The following GRIK4 variants were observed in gnomAD, a reference collection of about 807,000 sequenced individuals.
GRIK4 encodes the protein glutamate receptor ionotropic, kainate 4.
GRIK4 carries 40 observed loss-of-function variants against 104.9 expected under a neutral mutation model. That is an observed-to-expected ratio of 0.38 (90% CI 0.30 to 0.50). The LOEUF (loss-of-function observed/expected upper bound fraction) is 0.50, where lower values mean the gene tolerates loss of function less well. Among genes scored for constraint, GRIK4 ranks in the 20% least tolerant of loss-of-function variants. GRIK4 has a pLI of 0.93. For missense variants in GRIK4, 1,047 were observed against 1,308.1 expected, an observed-to-expected ratio of 0.80 and a Z score of 3.08; for synonymous variants, 485 against 524.9, an observed-to-expected ratio of 0.92 and a Z score of 1.04.
intron 1 of GRIK4, among the ~76,000 whole-genome samples, chr11:120,601,798 A>G (rs1484238279): frequency 2.0e-5 from 3 of 152,082 alleles, no homozygotes; most frequent in Non-Finnish European, 4.4e-5. Context: ...TCAGAGCTGA[A>G]TGGGAACAGA....
intron 13 of GRIK4, among the ~76,000 whole-genome samples, chr11:120,920,993 C>T (rs1943216477): frequency 6.6e-6 from 1 of 152,178 alleles, no homozygotes; most frequent in African/African-American, 2.4e-5. Flanking sequence ...GTGGCCTTCA[C>T]ATTTGCGCCT....
chr11:120,752,178 C>T (rs530578031), intron 3 of GRIK4, among the ~76,000 whole-genome samples: 12 of 152,266 alleles, frequency 7.9e-5, no homozygotes, highest in Admixed American at 3.3e-4. Flanking sequence ...TCAGGGCAAC[C>T]GGGGCCTGCC....
intron 18 of GRIK4, among the ~76,000 whole-genome samples, chr11:120,964,034 C>T (rs1222887608): frequency 6.7e-6 from 1 of 150,114 alleles, no homozygotes; most frequent in Admixed American, 6.6e-5. Flanking sequence ...ACTCTGTAGC[C>T]CAGGCTGGAG....
At chr11:120,602,169 G>A (rs1033673662) in intron 1 of GRIK4, among the ~76,000 whole-genome samples, 3 of 152,170 alleles carry the variant, frequency 2.0e-5, no homozygotes, top group South Asian at 2.1e-4. Flanking sequence ...AGCCAGCTCC[G>A]TAGATTGCCC....
At chr11:120,718,945 G>A (rs760170439) in intron 3 of GRIK4, among the ~76,000 whole-genome samples, 1 of 152,208 alleles carries the variant, frequency 6.6e-6, no homozygotes, top group East Asian at 1.9e-4. Flanking sequence ...CATAGGAATG[G>A]TTTGCTAAGA....
At chr11:120,945,325 T>A (rs1943832933) in intron 14 of GRIK4, among the ~76,000 whole-genome samples, 1 of 152,242 alleles carries the variant, frequency 6.6e-6, no homozygotes, top group Non-Finnish European at 1.5e-5. Context: ...ACAACACTTT[T>A]AGGTTGCATT....
At chr11:120,785,676 T>G (rs368008337) in intron 3 of GRIK4, among the ~76,000 whole-genome samples, 15 of 152,188 alleles carry the variant, frequency 9.9e-5, no homozygotes, top group African/African-American at 3.4e-4. Flanking sequence ...CTGAGTTGTA[T>G]GGGGGTTACA....
At position 120,935,982 on chromosome 11, in the gene GRIK4, G is replaced by A. The variant is rs138070738; in HGVS notation, c.1477-4365G>A. 4.4e-3 allele frequency: 869 copies of A among 199,238 alleles called. 7 individuals carry two copies. The highest frequency in any genetic ancestry group is 0.025 in the Middle Eastern group (12 of 484). The allele number at this position is 199,238 out of a possible 1,614,324, so 12.3% of individuals were successfully genotyped here. On this transcript the variant is annotated intron_variant, in intron 13 of 20. Coordinates refer to ENST00000527524, the MANE Select transcript of GRIK4 (RefSeq NM_014619.5). ...AGGAATGGGTTGTGTATGGGGGGGT[G>A]GGTGTTAAATGCTTGATATACAAGA...
chr11:120,735,732 C>T (rs934791529), intron 3 of GRIK4, among the ~76,000 whole-genome samples: 2 of 151,906 alleles, frequency 1.3e-5, no homozygotes, highest in African/African-American at 4.8e-5. Context: ...TTCTATTCTT[C>T]TGTGGCTAAG....
In GRIK4 at chr11:120,956,747, G is replaced by T; in HGVS notation, c.1701-33G>T. On this transcript the variant is annotated intron_variant, in intron 15 of 20. Coordinates refer to ENST00000527524, the MANE Select transcript of GRIK4 (RefSeq NM_014619.5). This position sits in a 1 kb window ranked among gnomAD's most constrained non-coding sequence, Gnocchi z 4.6. ...CTGTGTCCCTTCACACCCCGCCTCT[G>T]TGGCACTAGTGTATGTTCCTTTTCT... 6.8e-7 allele frequency: 1 copy of T among 1,460,682 alleles called. No homozygotes were observed. 90.5% of individuals were successfully genotyped at this position (1,460,682 alleles called of 1,614,324 possible). A position where few individuals can be genotyped will look rare whatever the true frequency, so the allele number is the denominator to read the frequency against.
chr11:120,788,929 C>T lies in GRIK4; in HGVS notation c.83-13764C>T, dbSNP rs575109233. 3.9e-5 allele frequency among the ~76,000 whole-genome samples: 6 copies of T among 152,264 alleles called. No individual in the cohort carries two copies. The South Asian group carries it at 8.3e-4, about 21-fold the overall frequency. On this transcript the variant is annotated intron_variant, in intron 3 of 20. Coordinates refer to ENST00000527524, the MANE Select transcript of GRIK4 (RefSeq NM_014619.5). ...CTGGAAGGGCTCTTGCTGAAGTCCCCGGTGACCTCCTACTTGCCCAGCCCT... is the reference window on the plus strand; with the variant it reads ...CTGGAAGGGCTCTTGCTGAAGTCCCTGGTGACCTCCTACTTGCCCAGCCCT...
At position 120,715,840 on chromosome 11, in the gene GRIK4, C is replaced by T. The variant is rs538886083; in HGVS notation, c.82+55440C>T. Among the ~76,000 whole-genome samples, 173 of 152,198 alleles carry T rather than the reference C, an allele frequency of 1.1e-3. 1 individual carries two copies. The highest frequency in any genetic ancestry group is 0.01 in the Middle Eastern group (3 of 294). ...GGGGAGACTGAAGCAGAAAATAGGA[C>T]GCAGCCTCCTCTGGGTTCCAGCCTT... On this transcript the variant is annotated intron_variant, in intron 3 of 20. Transcript: ENST00000527524.
rs146167196 is a variant in GRIK4 at position 120,716,916 on chromosome 11, A to G, written c.82+56516A>G. Among the ~76,000 whole-genome samples the G allele has an allele frequency of 3.7e-3, 562 of 152,304 alleles. 4 individuals carry two copies. Among genetic ancestry groups the G allele is most frequent in the African/African-American group, 0.013 (530 of 41,566 alleles). On this transcript the variant is annotated intron_variant, in intron 3 of 20. Transcript: ENST00000527524. ...CATTTATCAGCTCAGGGCCCTGGTA[A>G]TAAAATCTATTTGCACAGCCATGGA...
chr11:120,765,708 A>G (rs1394067900), intron 3 of GRIK4, among the ~76,000 whole-genome samples: 1 of 152,144 alleles, frequency 6.6e-6, no homozygotes, highest in Non-Finnish European at 1.5e-5. Flanking sequence ...TCCTTCTAAC[A>G]GTCAGGCCTC....
At chr11:120,539,005 C>T (rs1156726338) in intron 1 of GRIK4, among the ~76,000 whole-genome samples, 2 of 152,228 alleles carry the variant, frequency 1.3e-5, no homozygotes, top group African/African-American at 4.8e-5. Context: ...GACCACCTGC[C>T]CCCAAAGCTT....
chr11:120,875,019 G>T, intron 10 of GRIK4, 120 bp from the exon 11 acceptor site: 3 of 685,054 alleles, frequency 4.4e-6, no homozygotes, highest in Non-Finnish European at 5.3e-6. Flanking sequence ...GGCAGGAGAA[G>T]GATCTTAACT....
At chr11:120,755,941 C>T (rs1951644070) in intron 3 of GRIK4, among the ~76,000 whole-genome samples, 1 of 152,048 alleles carries the variant, frequency 6.6e-6, no homozygotes, top group African/African-American at 2.4e-5. Context: ...AGTGACTTGC[C>T]CAGAGTGACA....
chr11:120,797,374 C>T (rs1016878768), intron 3 of GRIK4, among the ~76,000 whole-genome samples: 1 of 152,188 alleles, frequency 6.6e-6, no homozygotes, highest in Admixed American at 6.5e-5. Context: ...CTGGGGGACG[C>T]AGTGCAGGCT....
At chr11:120,865,883 T>C (rs1005258250) in intron 9 of GRIK4, among the ~76,000 whole-genome samples, 1 of 152,092 alleles carries the variant, frequency 6.6e-6, no homozygotes, top group African/African-American at 2.4e-5. Context: ...GGTATCTGTT[T>C]CTGATGAGGG....
Sources: allele counts gnomAD v4.1 joint callset (sites outside exome capture counted in the v4.1 genomes callset), GRCh38; gene constraint gnomAD v4.1.1; non-coding constraint Gnocchi (gnomAD v3.1); transcripts MANE v1.5; gene names NCBI Gene and HGNC (gene_info 2026-07-23, HGNC 2026-07-21).